Variants in PSD3 observed in about 807,000 individuals in gnomAD.
PSD3 encodes PH and SEC7 domain-containing protein 3.
Under a neutral mutation model 105.5 loss-of-function variants are expected in PSD3, and 49 were observed. The observed-to-expected ratio is 0.46, with a 90% CI of 0.37 to 0.59. PSD3 has a LOEUF of 0.59. PSD3 is among the 20% of genes least tolerant of loss of function. The pLI, the probability that PSD3 is intolerant of heterozygous loss-of-function variation, is 0.00. For synonymous variants in PSD3, 557 were observed against 457.8 expected (o/e 1.22, Z -2.77); for missense variants, 1,561 against 1,263.8 (o/e 1.24, Z -3.57).
intron 12 of PSD3, among the ~76,000 whole-genome samples, chr8:18,594,449 A>ATATAT (rs1264905310): frequency 7.8e-6 from 1 of 127,822 alleles, no homozygotes; most frequent in Non-Finnish European, 1.6e-5. Flanking sequence ...TATATTATTT[A>ATATAT]TATATTATAT....
chr8:18,889,114 C>T (rs370207360), intron 2 of PSD3, among the ~76,000 whole-genome samples: 1 of 152,030 alleles, frequency 6.6e-6, no homozygotes, highest in African/African-American at 2.4e-5. Context: ...CTTTGACTAA[C>T]CCCCTAAAAC....
chr8:18,813,004 A>T (rs1811827337), intron 4 of PSD3, among the ~76,000 whole-genome samples: 1 of 152,186 alleles, frequency 6.6e-6, no homozygotes, highest in Admixed American at 6.5e-5. Flanking sequence ...CTCAAAATTG[A>T]GACAGAAAAA....
At chr8:19,037,135 G>T (rs1586654225) in intron 1 of PSD3, among the ~76,000 whole-genome samples, 1 of 152,304 alleles carries the variant, frequency 6.6e-6, no homozygotes, top group Admixed American at 6.5e-5. Context: ...TATTTTGATC[G>T]CTTAAGCCTG....
At chr8:18,847,493 T>C (rs1815192422) in intron 4 of PSD3, among the ~76,000 whole-genome samples, 1 of 152,184 alleles carries the variant, frequency 6.6e-6, no homozygotes, top group Admixed American at 6.5e-5. Context: ...TTCTACCTGC[T>C]CCAATCCCAG....
intron 1 of PSD3, among the ~76,000 whole-genome samples, chr8:19,055,198 G>T (rs1828667698): frequency 6.6e-6 from 1 of 152,136 alleles, no homozygotes; most frequent in African/African-American, 2.4e-5. Flanking sequence ...ATTTAGGATG[G>T]TTACCCAAGA....
chr8:18,617,080 C>T (rs1035920641), intron 11 of PSD3, among the ~76,000 whole-genome samples: 1 of 152,176 alleles, frequency 6.6e-6, no homozygotes, highest in Non-Finnish European at 1.5e-5. Context: ...CCTTTTCTCT[C>T]ATTCACCTGG....
chr8:18,554,100 C>A (rs1269259916), intron 15 of PSD3, among the ~76,000 whole-genome samples: 1 of 152,158 alleles, frequency 6.6e-6, no homozygotes, highest in Non-Finnish European at 1.5e-5. Flanking sequence ...GTAGGGAGGG[C>A]TCCTAGCAAT....
chr8:18,953,935 C>T (rs1400381249), intron 1 of PSD3, among the ~76,000 whole-genome samples: 1 of 151,896 alleles, frequency 6.6e-6, no homozygotes, highest in African/African-American at 2.4e-5. Context: ...TATATGTATA[C>T]ACTCCTCACA....
chr8:18,585,144 T>C (rs554389555), intron 12 of PSD3, among the ~76,000 whole-genome samples: 10 of 152,280 alleles, frequency 6.6e-5, no homozygotes, highest in African/African-American at 1.9e-4. Flanking sequence ...GTCTCCTATC[T>C]GAAGTGGAAA....
chr8:18,989,743 A>G (rs1787298166), intron 1 of PSD3, among the ~76,000 whole-genome samples: 2 of 152,216 alleles, frequency 1.3e-5, no homozygotes, highest in African/African-American at 4.8e-5. Context: ...CTGCCTCTCA[A>G]GAGCCACCCT....
In PSD3 at chr8:18,709,358, C is replaced by G. The variant is rs375695082; in HGVS notation, c.2173-53673G>C. On this transcript the variant is annotated intron_variant, in intron 9 of 15. Coordinates refer to ENST00000327040, the MANE Select transcript of PSD3 (RefSeq NM_015310.4). ...AAAACTCTTGATCCCTGGGATGGAG[C>G]CCCTGACGGGAGGGGCGGCCACTGT... Among the ~76,000 whole-genome samples the G allele has an allele frequency of 4.1e-4, 63 of 152,322 alleles. No individual in the cohort carries two copies. The East Asian group carries it at 8.5e-3, about 21-fold the overall frequency.
At chr8:18,845,814 CTGGT>C (rs367931751) in intron 4 of PSD3, among the ~76,000 whole-genome samples, 35 of 152,336 alleles carry the variant, frequency 2.3e-4, no homozygotes, top group Middle Eastern at 3.4e-3. Flanking sequence ...GGAACTCAAA[CTGGT>C]CACTTAGTCT....
intron 2 of PSD3, among the ~76,000 whole-genome samples, chr8:18,930,859 C>A (rs1177672811): frequency 2.0e-5 from 3 of 152,168 alleles, no homozygotes; most frequent in African/African-American, 4.8e-5. Context: ...TGAGCCACTG[C>A]GCCTGGCCTT....
chr8:19,067,473 C>T (rs1475952252), intron 1 of PSD3, among the ~76,000 whole-genome samples: 2 of 152,282 alleles, frequency 1.3e-5, no homozygotes, highest in African/African-American at 2.4e-5. Flanking sequence ...GGACTCTGAC[C>T]ATGTGTTCTT....
intron 10 of PSD3, among the ~76,000 whole-genome samples, chr8:18,642,289 T>G (rs1014808317): frequency 2.0e-5 from 3 of 152,156 alleles, no homozygotes; most frequent in African/African-American, 7.2e-5. Context: ...TAAAAATAAC[T>G]TCCTTGAGTA....
At chr8:18,740,454 T>TCA (rs1263968379) in intron 9 of PSD3, among the ~76,000 whole-genome samples, 1 of 152,162 alleles carries the variant, frequency 6.6e-6, no homozygotes, top group East Asian at 1.9e-4. Flanking sequence ...GTAGAATCCA[T>TCA]CACACCTTCA....
chr8:18,745,392 T>C (rs1349762841), intron 9 of PSD3, among the ~76,000 whole-genome samples: 3 of 152,240 alleles, frequency 2.0e-5, no homozygotes, highest in Non-Finnish European at 4.4e-5. Context: ...CGGATATTCA[T>C]TTTCTTCTCT....
chr8:18,619,944 T>C (rs1241179922), intron 11 of PSD3, among the ~76,000 whole-genome samples: 1 of 152,184 alleles, frequency 6.6e-6, no homozygotes, highest in Non-Finnish European at 1.5e-5. Flanking sequence ...TTCTAGGCCT[T>C]TCCCAGATGT....
At chr8:18,600,468 G>C (rs1320027355) in intron 11 of PSD3, 34 bp from the exon 12 acceptor site, 2 of 1,467,366 alleles carry the variant, frequency 1.4e-6, no homozygotes, top group East Asian at 2.3e-5. Flanking sequence ...AATTTTATTT[G>C]ACATCAGCAT....
Sources: allele counts gnomAD v4.1 joint callset (sites outside exome capture counted in the v4.1 genomes callset), GRCh38; gene constraint gnomAD v4.1.1; transcripts MANE v1.5; gene names NCBI Gene and HGNC (gene_info 2026-07-23, HGNC 2026-07-21).